The following HNRNPC variants were observed in gnomAD, a reference collection of about 807,000 sequenced individuals.
The protein encoded by HNRNPC is heterogeneous nuclear ribonucleoproteins C1/C2.
Under a neutral mutation model 33.2 loss-of-function variants are expected in HNRNPC, and 3 were observed. The observed-to-expected ratio is 0.09, with a 90% confidence interval of 0.04 to 0.23. The LOEUF is 0.23. Ranked by LOEUF, HNRNPC falls within the 10% of genes least tolerant of loss-of-function variation. The pLI is 1.00. For synonymous variants in HNRNPC, 121 were observed against 126.7 expected (o/e 0.96, Z 0.30); for missense variants, 143 against 366.7 (o/e 0.39, Z 4.98).
At position 21,211,793 on chromosome 14, in the gene HNRNPC, G is replaced by C; in HGVS notation, c.637+17C>G. 6.3e-7 allele frequency: 1 copy of C among 1,597,726 alleles called. No individual in the cohort carries two copies. The highest frequency in any genetic ancestry group is 8.6e-7 in the Non-Finnish European group (1 of 1,166,872). On this transcript the variant is annotated intron_variant, in intron 7 of 8. Coordinates refer to ENST00000553300, the MANE Select transcript of HNRNPC (RefSeq NM_004500.4). ...TAACCCAACTGTATACCAAGGGCAA[G>C]CAGAAAACCCATTTACCTGCTTGTT...
At chr14:21,263,672 C>T (rs923655579) in intron 1 of HNRNPC, 2 of 151,928 alleles carry the variant, frequency 1.3e-5, no homozygotes, top group Non-Finnish European at 2.9e-5. Context: ...AACACCTGTA[C>T]ATTTGCTGTA....
At chr14:21,227,597 T>C (rs756437537) in intron 5 of HNRNPC, among the ~76,000 whole-genome samples, 6 of 152,256 alleles carry the variant, frequency 3.9e-5, no homozygotes, top group East Asian at 1.9e-4. Context: ...TTGTTGTCTA[T>C]TGAAAATCTG....
chr14:21,237,362 A>G (rs1006587016), intron 2 of HNRNPC, among the ~76,000 whole-genome samples: 1 of 152,232 alleles, frequency 6.6e-6, no homozygotes, highest in African/African-American at 2.4e-5. Flanking sequence ...TTCCGCTTCT[A>G]TTGCATTAGG....
intron 5 of HNRNPC, among the ~76,000 whole-genome samples, chr14:21,218,862 A>G (rs1892518328): frequency 6.6e-6 from 1 of 151,980 alleles, no homozygotes; most frequent in Non-Finnish European, 1.5e-5. Flanking sequence ...CTGTAATCCC[A>G]GCACTATGGG....
At chr14:21,249,968 G>A (rs568434481) in intron 2 of HNRNPC, among the ~76,000 whole-genome samples, 25 of 152,114 alleles carry the variant, frequency 1.6e-4, no homozygotes, top group Non-Finnish European at 3.5e-4. Flanking sequence ...ACTGAATCAA[G>A]AGAATATGCA....
rs1443779819 is a variant in HNRNPC, at chr14:21,236,683, C to T, written c.-36-2454G>A. Among the ~76,000 whole-genome samples the T allele has an allele frequency of 2.0e-5, 3 of 152,156 alleles. No individual in the cohort carries two copies. The East Asian group carries it at 5.8e-4, about 29-fold the overall frequency. On this transcript the variant is annotated intron_variant, in intron 2 of 8. Coordinates refer to ENST00000553300, the MANE Select transcript of HNRNPC (RefSeq NM_004500.4). ...AACCAAATGATGTCAAGTCACACTTCATTCTACTTCAAAATTTTAAAGTAT... is the reference window on the plus strand; with the variant it reads ...AACCAAATGATGTCAAGTCACACTTTATTCTACTTCAAAATTTTAAAGTAT...
chr14:21,249,852 T>C (rs766004136), intron 2 of HNRNPC, among the ~76,000 whole-genome samples: 7 of 152,182 alleles, frequency 4.6e-5, no homozygotes, highest in African/African-American at 7.2e-5. Flanking sequence ...TTCCAGAATC[T>C]GTAAGTATCC....
chr14:21,230,395 T>A, intron 4 of HNRNPC, 29 bp from the exon 5 acceptor site: 1 of 1,557,088 alleles, frequency 6.4e-7, no homozygotes, highest in South Asian at 1.1e-5. Context: ...AAAGGGTTAA[T>A]TTGGAAATGT....
chr14:21,218,833 T>C (rs944245893), intron 5 of HNRNPC, among the ~76,000 whole-genome samples: 3 of 151,236 alleles, frequency 2.0e-5, no homozygotes, highest in African/African-American at 2.4e-5. Flanking sequence ...AAAAAATTGC[T>C]GGGAGCAGTG....
chr14:21,259,059 G>A (rs895866606), intron 2 of HNRNPC, among the ~76,000 whole-genome samples: 5 of 152,096 alleles, frequency 3.3e-5, no homozygotes, highest in African/African-American at 7.2e-5. Flanking sequence ...CTAAGGTCCC[G>A]TGCTATGAAA....
In HNRNPC at chr14:21,235,073, A is replaced by C. The variant is rs74467633; in HGVS notation, c.-36-844T>G. ...TTCCACGCATTATTTAAAACCAAAA[A>C]TTATCTGTCTTTATGTATGTGATGG... On this transcript the variant is annotated intron_variant, in intron 2 of 8. Transcript: ENST00000553300. Among the ~76,000 whole-genome samples, 533 of 152,298 alleles carry C rather than the reference A, an allele frequency of 3.5e-3. 3 individuals are homozygous for C. Among genetic ancestry groups the C allele is most frequent in the African/African-American group, 0.012 (504 of 41,576 alleles).
chr14:21,267,739 A>G (rs1879255349), intron 1 of HNRNPC, among the ~76,000 whole-genome samples: 1 of 152,218 alleles, frequency 6.6e-6, no homozygotes, highest in Non-Finnish European at 1.5e-5. Flanking sequence ...ACTGACCGGA[A>G]GGAACCCATT....
rs1160481088 is a variant in HNRNPC at position 21,209,233 on chromosome 14, T to G, written c.*1990A>C. ...AGGTTACATATAAATACTATGCCAT[T>G]TTATGTAAGGGACTTGAACATCTGC... On this transcript the variant is annotated 3_prime_UTR_variant, in exon 9 of 9. Transcript: ENST00000553300. 6.6e-6 allele frequency: 1 copy of G among 152,184 alleles called. No homozygotes were observed. Among genetic ancestry groups the G allele is most frequent in the Non-Finnish European group, 1.5e-5 (1 of 68,018 alleles). The allele number at this position is 152,184 out of a possible 1,614,324, so 9.4% of individuals were successfully genotyped here.
chr14:21,219,833 G>C (rs950783333), intron 5 of HNRNPC, among the ~76,000 whole-genome samples: 4 of 152,168 alleles, frequency 2.6e-5, no homozygotes, highest in Admixed American at 2.6e-4. Context: ...GTCCACAACT[G>C]ATTTATGATA....
rs989853912 is a variant in HNRNPC, at chr14:21,209,733, G to T, written c.*1490C>A. On this transcript the variant is annotated 3_prime_UTR_variant, in exon 9 of 9. Transcript: ENST00000553300. The stretch of plus-strand genomic sequence containing the variant: ...CAGTGCCGCATGCTATGAAACAATA[G>T]CAACTTTACAGGGGAATCCAAGGTT... 1 of 152,146 alleles carries T rather than the reference G, an allele frequency of 6.6e-6. No individual in the cohort carries two copies. Among genetic ancestry groups the T allele is most frequent in the Non-Finnish European group, 1.5e-5 (1 of 68,038 alleles). 9.4% of individuals were successfully genotyped at this position (152,146 alleles called of 1,614,324 possible).
At chr14:21,220,494 G>GGC in intron 5 of HNRNPC, among the ~76,000 whole-genome samples, 1 of 152,286 alleles carries the variant, frequency 6.6e-6, no homozygotes, top group East Asian at 1.9e-4. Flanking sequence ...CTCCCAAAGT[G>GGC]CTGGGATTAC....
At chr14:21,227,422 TGACGTTA>T (rs1254839402) in intron 5 of HNRNPC, among the ~76,000 whole-genome samples, 3 of 152,240 alleles carry the variant, frequency 2.0e-5, no homozygotes, top group African/African-American at 7.2e-5. Context: ...ATCTACTGGC[TGACGTTA>T]GAACAATAGA....
At chr14:21,218,890 T>C (rs1892521324) in intron 5 of HNRNPC, among the ~76,000 whole-genome samples, 1 of 151,550 alleles carries the variant, frequency 6.6e-6, no homozygotes, top group African/African-American at 2.4e-5. Flanking sequence ...GGAGGGCAGA[T>C]CATGAGATCA....
chr14:21,266,783 T>A (rs1427927616), intron 1 of HNRNPC, among the ~76,000 whole-genome samples: 1 of 151,512 alleles, frequency 6.6e-6, no homozygotes, highest in Non-Finnish European at 1.5e-5. Flanking sequence ...AGAATAGTAA[T>A]AATAACTACC....
Sources: gnomAD v4.1 joint callset for allele counts (sites outside exome capture counted in the v4.1 genomes callset) on GRCh38, gnomAD v4.1.1 for gene constraint, MANE v1.5 for transcripts, NCBI Gene and HGNC (gene_info 2026-07-23, HGNC 2026-07-21) for gene names.